Variants in TMEM232 observed in about 807,000 individuals in gnomAD.
TMEM232 encodes transmembrane protein 232.
A neutral mutation model predicts 78.8 loss-of-function variants in TMEM232; 80 were observed. The observed-to-expected ratio is 1.01, with a 90% confidence interval of 0.85 to 1.22. TMEM232 has a LOEUF of 1.22. Among genes scored for constraint, TMEM232 ranks in the 50% most tolerant of loss-of-function variants. The pLI, the probability that TMEM232 is intolerant of heterozygous loss-of-function variation, is 0.00. For synonymous variants in TMEM232, 297 were observed against 254.3 expected, an observed-to-expected ratio of 1.17 and a Z score of -1.60; for missense variants, 881 against 742.2, an observed-to-expected ratio of 1.19 and a Z score of -2.17.
At chr5:110,696,771 T>A (rs1472656012) in intron 1 of TMEM232, among the ~76,000 whole-genome samples, 2 of 125,208 alleles carry the variant, frequency 1.6e-5, no homozygotes, top group East Asian at 2.4e-4. Context: ...CAAGGAGAAC[T>A]ACAAACCACT....
chr5:110,432,866 C>A (rs1295486012), intron 12 of TMEM232, among the ~76,000 whole-genome samples: 1 of 151,468 alleles, frequency 6.6e-6, no homozygotes, highest in African/African-American at 2.4e-5. Context: ...AACTTTAAAC[C>A]AACAACAGTC....
intron 1 of TMEM232, among the ~76,000 whole-genome samples, chr5:110,707,733 T>C (rs1796074598): frequency 6.6e-6 from 1 of 152,154 alleles, no homozygotes; most frequent in Non-Finnish European, 1.5e-5. Flanking sequence ...GCAGTGCAGC[T>C]TGCAGCAATG....
intron 11 of TMEM232, among the ~76,000 whole-genome samples, chr5:110,562,412 C>A (rs1775855083): frequency 6.6e-6 from 1 of 152,180 alleles, no homozygotes; most frequent in Admixed American, 6.6e-5. Context: ...TTTGACCCTG[C>A]CACTTTGCAC....
At chr5:110,601,250 G>A (rs1282590752) in intron 10 of TMEM232, among the ~76,000 whole-genome samples, 2 of 151,698 alleles carry the variant, frequency 1.3e-5, no homozygotes, top group Non-Finnish European at 3.0e-5. Context: ...TGGCACCAAA[G>A]ATGCCCTCTT....
intron 11 of TMEM232, among the ~76,000 whole-genome samples, chr5:110,545,390 G>A (rs1773650723): frequency 6.6e-6 from 1 of 151,856 alleles, no homozygotes. Context: ...CATGATAAAG[G>A]CACTACAAAA....
At chr5:110,712,059 G>T (rs1431895716) in intron 1 of TMEM232, among the ~76,000 whole-genome samples, 3 of 140,598 alleles carry the variant, frequency 2.1e-5, no homozygotes, top group African/African-American at 8.0e-5. Flanking sequence ...CAGAGATCGT[G>T]ACACTGCACT....
At chr5:110,498,704 C>T (rs994138096) in intron 12 of TMEM232, among the ~76,000 whole-genome samples, 5 of 152,090 alleles carry the variant, frequency 3.3e-5, no homozygotes, top group African/African-American at 9.7e-5. Flanking sequence ...CAAGGGGAAA[C>T]TTACAAGTGT....
intron 11 of TMEM232, among the ~76,000 whole-genome samples, chr5:110,551,136 A>T (rs1038635035): frequency 1.3e-5 from 2 of 152,128 alleles, no homozygotes; most frequent in Admixed American, 1.3e-4. Flanking sequence ...GAATATGAAT[A>T]AGCCTTGAAC....
chr5:110,665,810 T>C lies in TMEM232; in HGVS notation c.125+1418A>G, dbSNP rs539265284. Among the ~76,000 whole-genome samples, 10 of 151,444 alleles carry C rather than the reference T, an allele frequency of 6.6e-5. No individual in the cohort carries two copies. The South Asian group carries it at 1.7e-3, about 25-fold the overall frequency. On this transcript the variant is annotated intron_variant, in intron 2 of 13. Coordinates refer to ENST00000455884, the MANE Select transcript of TMEM232 (RefSeq NM_001039763.4). ...TGGCTCATGCCTGTAATTCCAACTT[T>C]TTGGGACGAAAAGGAGTGCCGATCA... is the stretch of plus-strand genomic sequence containing the variant.
At chr5:110,717,736 T>C (rs1296993898) in intron 1 of TMEM232, among the ~76,000 whole-genome samples, 1 of 152,134 alleles carries the variant, frequency 6.6e-6, no homozygotes, top group Non-Finnish European at 1.5e-5. Context: ...GAGGGAGTTA[T>C]CAGGAGATGT....
At chr5:110,651,527 G>A (rs13173738) in intron 2 of TMEM232, among the ~76,000 whole-genome samples, 87,771 of 151,820 alleles carry the variant, frequency 0.58, 30,828 homozygotes, top group Non-Finnish European at 0.78. Flanking sequence ...ATCAAGGAGC[G>A]GGCTGGGGAC....
chr5:110,667,546 A>C (rs6884871), intron 1 of TMEM232, 182 bp from the exon 2 acceptor site: 297 of 406,406 alleles, frequency 7.3e-4, no homozygotes, highest in African/African-American at 5.6e-3. Context: ...AAATAAGTAC[A>C]AAAAGTTACT....
chr5:110,695,046 T>A (rs1272859246), intron 1 of TMEM232, among the ~76,000 whole-genome samples: 1 of 152,190 alleles, frequency 6.6e-6, no homozygotes, highest in East Asian at 1.9e-4. Flanking sequence ...GAACACATAG[T>A]TGGAAGTAAA....
intron 11 of TMEM232, among the ~76,000 whole-genome samples, chr5:110,531,887 C>A (rs1380398672): frequency 6.6e-6 from 1 of 152,116 alleles, no homozygotes. Flanking sequence ...CCAATCTGCT[C>A]CCAACATTAA....
intron 1 of TMEM232, among the ~76,000 whole-genome samples, chr5:110,701,118 G>T (rs61276353): frequency 0.019 from 2,878 of 151,972 alleles, 80 homozygotes; most frequent in African/African-American, 0.067. Flanking sequence ...GAAGGAAAAT[G>T]ATTTTGGAAA....
chr5:110,562,720 G>T (rs2149663957), intron 11 of TMEM232, among the ~76,000 whole-genome samples: 1 of 152,144 alleles, frequency 6.6e-6, no homozygotes, highest in South Asian at 2.1e-4. Flanking sequence ...CAGCTAGGCT[G>T]AACAGACACA....
intron 12 of TMEM232, among the ~76,000 whole-genome samples, chr5:110,431,524 T>C (rs1358373538): frequency 6.6e-6 from 1 of 151,614 alleles, no homozygotes; most frequent in Non-Finnish European, 1.5e-5. Flanking sequence ...TCATTTTTAA[T>C]ACAAAAAATC....
chr5:110,516,817 T>C (rs932790276), intron 12 of TMEM232, among the ~76,000 whole-genome samples: 1 of 152,136 alleles, frequency 6.6e-6, no homozygotes, highest in Non-Finnish European at 1.5e-5. Flanking sequence ...AAATAATCTA[T>C]AGGCTAAAAA....
rs1180276251 is a variant in TMEM232 at position 110,605,086 on chromosome 5, A to G, written c.1276+23T>C. 4.0e-6 allele frequency: 6 copies of G among 1,508,822 alleles called. No homozygotes were observed. The South Asian group carries it at 7.7e-5, about 19-fold the overall frequency. 93.5% of individuals were successfully genotyped at this position (1,508,822 alleles called of 1,614,324 possible). A position where few individuals can be genotyped will look rare whatever the true frequency, so the allele number is the denominator to read the frequency against. On this transcript the variant is annotated intron_variant, in intron 10 of 13. Coordinates refer to ENST00000455884, the MANE Select transcript of TMEM232 (RefSeq NM_001039763.4). ...GTGACACTTAAAAATATTACTCATC[A>G]AAGTAAAAAACAATCTACTTACAGT... is the stretch of plus-strand genomic sequence containing the variant.
Sources: allele counts gnomAD v4.1 joint callset (sites outside exome capture counted in the v4.1 genomes callset), GRCh38; gene constraint gnomAD v4.1.1; transcripts MANE v1.5; gene names NCBI Gene and HGNC (gene_info 2026-07-23, HGNC 2026-07-21).